CRIM1: variants seen among roughly 807,000 people sequenced by gnomAD.
CRIM1 encodes cysteine-rich motor neuron 1 protein.
Under a neutral mutation model 116.4 loss-of-function variants are expected in CRIM1, and 32 were observed. The observed-to-expected ratio is 0.27, with a 90% CI of 0.21 to 0.37. The LOEUF is 0.37. Among genes scored for constraint, CRIM1 ranks in the 10% least tolerant of loss-of-function variants. The pLI is 1.00. For synonymous variants in CRIM1, 590 were observed against 509.2 expected (o/e 1.16, Z -2.13); for missense variants, 1,331 against 1,354.8 (o/e 0.98, Z 0.28).
intron 9 of CRIM1, among the ~76,000 whole-genome samples, chr2:36,510,859 GTCTT>G (rs1271543916): frequency 6.8e-6 from 1 of 146,884 alleles, no homozygotes; most frequent in African/African-American, 2.5e-5. Context: ...TCCCTTTGCT[GTCTT>G]TCTTTCATTT....
At chr2:36,536,805 A>G (rs552612510) in intron 13 of CRIM1, among the ~76,000 whole-genome samples, 5 of 115,672 alleles carry the variant, frequency 4.3e-5, no homozygotes, top group African/African-American at 1.3e-4. Context: ...TTTCTGGGGG[A>G]AAAAAATGGA....
intron 13 of CRIM1, among the ~76,000 whole-genome samples, chr2:36,526,707 G>C (rs535466507): frequency 6.6e-6 from 1 of 152,132 alleles, no homozygotes; most frequent in African/African-American, 2.4e-5. Context: ...GCTTCTGGAG[G>C]GGGGACCGTG....
Position 36,517,436 on chromosome 2 carries a change from G to A in CRIM1, c.2100G>A (p.Gln700=), listed in dbSNP as rs771674337. The A allele has an allele frequency of 1.2e-6, 2 of 1,614,236 alleles. No individual in the cohort carries two copies. Among genetic ancestry groups the A allele is most frequent in the South Asian group, 2.2e-5 (2 of 91,086 alleles). ...CGTGGAACATTGACTCCTGTACTCA[G>A]TGCACCTGCCACAGCGGACGGGTGC... ...GETWNIDSCT[Q]CTCHSGRVLC... is the part of the protein sequence containing the mutation. Residue 700 remains glutamine, a synonymous_variant, in exon 12 of 17, where the codon CAG becomes CAA. Coordinates refer to ENST00000280527, the MANE Select transcript of CRIM1 (RefSeq NM_016441.3).
In CRIM1 at chr2:36,549,730, T is replaced by C. The variant is rs1667613928; in HGVS notation, c.*1029T>C. Reference sequence around the variant, plus strand: ...ATTGTATATTATTCAAGCACCTTTGTTGAAGCTCAAAAAAAATGATGCCTC... The same window carrying C: ...ATTGTATATTATTCAAGCACCTTTGCTGAAGCTCAAAAAAAATGATGCCTC... On this transcript the variant is annotated 3_prime_UTR_variant, in exon 17 of 17. Coordinates refer to ENST00000280527, the MANE Select transcript of CRIM1 (RefSeq NM_016441.3). 3 of 152,462 alleles carry C rather than the reference T, an allele frequency of 2.0e-5. No homozygotes were observed. Among genetic ancestry groups the C allele is most frequent in the Admixed American group, 6.6e-5 (1 of 15,250 alleles). 9.4% of individuals were successfully genotyped at this position (152,462 alleles called of 1,614,324 possible). A position where few individuals can be genotyped will look rare whatever the true frequency, so the allele number is the denominator to read the frequency against.
intron 4 of CRIM1, among the ~76,000 whole-genome samples, chr2:36,457,871 T>G (rs1163902014): frequency 6.6e-6 from 1 of 152,224 alleles, no homozygotes; most frequent in Non-Finnish European, 1.5e-5. Context: ...GCACTGTGTT[T>G]TATATGTCAT....
intron 2 of CRIM1, among the ~76,000 whole-genome samples, chr2:36,426,149 G>A (rs574712662): frequency 1.4e-3 from 218 of 152,306 alleles, no homozygotes; most frequent in African/African-American, 4.5e-3. Flanking sequence ...TTAAAAAGCC[G>A]GCATGCTGTA....
intron 2 of CRIM1, among the ~76,000 whole-genome samples, chr2:36,408,704 A>T (rs1672994660): frequency 6.6e-6 from 1 of 152,170 alleles, no homozygotes; most frequent in Non-Finnish European, 1.5e-5. Context: ...AAACCTCGTT[A>T]GTTAGTGTAA....
At chr2:36,510,266 GTT>G (rs900694692) in intron 9 of CRIM1, 127 bp downstream of exon 9, 2 of 805,114 alleles carry the variant, frequency 2.5e-6, no homozygotes, top group Admixed American at 5.9e-5. Flanking sequence ...GTCTATACTT[GTT>G]TTGTTAGGTG....
rs1665439363 is a variant in CRIM1, at chr2:36,522,211, A to G, written c.2326A>G (p.Ile776Val). ...GAAGCCTGACGTTTGTACCAGCTGCATCTGCATTGATAGCGTAATTAGCTG... is the reference window on the plus strand; with the variant it reads ...GAAGCCTGACGTTTGTACCAGCTGCGTCTGCATTGATAGCGTAATTAGCTG... The part of the protein sequence containing the change: ...SWKPDVCTSC[I>V]CIDSVISCFS... The change falls in exon 13 of 17, where the codon ATC becomes GTC. Residue 776 changes from isoleucine to valine, a missense_variant. Physicochemically the swap from Ile to Val is conservative, Grantham distance 29. This residue lies in a region of CRIM1 where 358 missense variants were observed against 436.1 expected (regional missense o/e 0.82). Transcript: ENST00000280527. 6.2e-7 allele frequency: 1 copy of G among 1,614,162 alleles called. No homozygotes were observed. Among genetic ancestry groups the G allele is most frequent in the Non-Finnish European group, 8.5e-7 (1 of 1,180,000 alleles).
intron 1 of CRIM1, among the ~76,000 whole-genome samples, chr2:36,396,042 G>C (rs977647084): frequency 6.6e-6 from 1 of 152,124 alleles, no homozygotes; most frequent in Non-Finnish European, 1.5e-5. Context: ...TGAGTGCTGG[G>C]ACCACAGGCA....
intron 7 of CRIM1, among the ~76,000 whole-genome samples, chr2:36,490,124 T>C (rs1467307250): frequency 6.6e-6 from 1 of 152,184 alleles, no homozygotes; most frequent in Non-Finnish European, 1.5e-5. Flanking sequence ...ATTGCCATAC[T>C]ATTTATCAGC....
chr2:36,444,007 C>T (rs576546574), intron 4 of CRIM1, among the ~76,000 whole-genome samples: 1 of 152,260 alleles, frequency 6.6e-6, no homozygotes, highest in East Asian at 1.9e-4. Context: ...ATCTTGCAAA[C>T]ATAAGGTATT....
intron 2 of CRIM1, among the ~76,000 whole-genome samples, chr2:36,434,362 T>C (rs1435152424): frequency 6.6e-6 from 1 of 152,188 alleles, no homozygotes; most frequent in Non-Finnish European, 1.5e-5. Flanking sequence ...TAAGCAAAAA[T>C]GTAGCTATTG....
chr2:36,439,576 C>T (rs963119145), intron 2 of CRIM1, among the ~76,000 whole-genome samples: 1 of 152,162 alleles, frequency 6.6e-6, no homozygotes, highest in Admixed American at 6.5e-5. Context: ...GACGTTCTTA[C>T]TCTTCCTGGG....
chr2:36,449,080 T>G (rs1165474167), intron 4 of CRIM1, among the ~76,000 whole-genome samples: 1 of 152,056 alleles, frequency 6.6e-6, no homozygotes, highest in Admixed American at 6.5e-5. Flanking sequence ...AATGTTAGAT[T>G]ATCTGTCAGC....
intron 4 of CRIM1, among the ~76,000 whole-genome samples, chr2:36,452,707 T>A (rs1212355462): frequency 6.6e-6 from 1 of 152,068 alleles, no homozygotes; most frequent in Non-Finnish European, 1.5e-5. Flanking sequence ...TCACCTTAAA[T>A]TTGACCTAGT....
chr2:36,372,801 C>T (rs1478159304), intron 1 of CRIM1, among the ~76,000 whole-genome samples: 1 of 152,082 alleles, frequency 6.6e-6, no homozygotes, highest in Non-Finnish European at 1.5e-5. Context: ...TATTGGTCAT[C>T]ACCAGTTACA....
At chr2:36,472,735 A>G (rs1678630202) in intron 5 of CRIM1, among the ~76,000 whole-genome samples, 1 of 151,934 alleles carries the variant, frequency 6.6e-6, no homozygotes, top group Non-Finnish European at 1.5e-5. Context: ...GTTTCCATGG[A>G]TGTTCATTTT....
intron 8 of CRIM1, among the ~76,000 whole-genome samples, chr2:36,501,010 A>T (rs1004090200): frequency 2.0e-5 from 3 of 152,226 alleles, no homozygotes; most frequent in African/African-American, 7.2e-5. Context: ...AAATGTCACA[A>T]ATCATATATT....
Sources: gnomAD v4.1 joint callset for allele counts (sites outside exome capture counted in the v4.1 genomes callset) on GRCh38, gnomAD v4.1.1 for gene constraint, gnomAD v4.1.1 regional missense constraint, MANE v1.5 for transcripts, NCBI Gene and HGNC (gene_info 2026-07-23, HGNC 2026-07-21) for gene names.